SERPINB7: variants seen among roughly 807,000 people sequenced by gnomAD.
SERPINB7 encodes the protein serpin B7.
In SERPINB7, 31 loss-of-function variants were observed where a neutral mutation model predicts 37.4. The observed-to-expected ratio is 0.83, with a 90% CI of 0.62 to 1.12. The LOEUF is 1.12. Ranked by LOEUF, SERPINB7 falls within the 50% of genes most tolerant of loss-of-function variation. SERPINB7 has a pLI of 0.00. For missense variants in SERPINB7, 521 were observed against 455.3 expected (o/e 1.14, Z -1.31); for synonymous variants, 163 against 166.1 (o/e 0.98, Z 0.14).
At position 63,791,755 on chromosome 18, in the gene SERPINB7, C is replaced by T. The variant is rs146987947; in HGVS notation, c.169-638C>T. ...CCTCCCGAGTAGCTGGGACTATAGG[C>T]GCCCACCACCACAACCAGCTAATTT... On this transcript the variant is annotated intron_variant, in intron 2 of 7. Transcript: ENST00000398019. Among the ~76,000 whole-genome samples the T allele has an allele frequency of 6.1e-3, 920 of 151,178 alleles. 11 individuals carry two copies. Among genetic ancestry groups the T allele is most frequent in the African/African-American group, 0.022 (893 of 41,194 alleles).
upstream of SERPINB7, among the ~76,000 whole-genome samples, chr18:63,771,505 C>T (rs115757896): frequency 0.011 from 1,693 of 152,058 alleles, 30 homozygotes; most frequent in African/African-American, 0.036. Flanking sequence ...TTCCCATTAG[C>T]TTATACTTAT....
chr18:63,794,372 G>A (rs964685462), intron 4 of SERPINB7, among the ~76,000 whole-genome samples: 4 of 151,796 alleles, frequency 2.6e-5, no homozygotes, highest in Non-Finnish European at 5.9e-5. Context: ...TCTCTTGCAT[G>A]TTTCAACCTT....
intron 1 of SERPINB7, among the ~76,000 whole-genome samples, chr18:63,776,585 T>C (rs1391137029): frequency 2.0e-5 from 3 of 150,556 alleles, no homozygotes; most frequent in Non-Finnish European, 4.4e-5. Context: ...TGCCTTAAGA[T>C]AGTGCGAATT....
intron 1 of SERPINB7, among the ~76,000 whole-genome samples, chr18:63,753,513 T>C (rs746999811): frequency 2.7e-4 from 41 of 152,232 alleles, no homozygotes; most frequent in Admixed American, 5.2e-4. Context: ...CTACTACCTG[T>C]GTCTGGGCTT....
chr18:63,761,226 G>A (rs2049152132), intron 1 of SERPINB7, among the ~76,000 whole-genome samples: 1 of 152,200 alleles, frequency 6.6e-6, no homozygotes, highest in Non-Finnish European at 1.5e-5. Context: ...TTATTTTGGA[G>A]CTTTAAAATT....
At chr18:63,759,720 G>A (rs1194607220) in intron 1 of SERPINB7, among the ~76,000 whole-genome samples, 1 of 152,114 alleles carries the variant, frequency 6.6e-6, no homozygotes, top group Non-Finnish European at 1.5e-5. Flanking sequence ...GAATCAAGGT[G>A]GTTGGTCTTT....
intron 1 of SERPINB7, among the ~76,000 whole-genome samples, chr18:63,767,964 T>C (rs1466243974): frequency 6.6e-6 from 1 of 152,076 alleles, no homozygotes; most frequent in Non-Finnish European, 1.5e-5. Flanking sequence ...AAGTTATTCC[T>C]AGTGTTTTTA....
In SERPINB7 at chr18:63,760,791, C is replaced by A. The variant is rs146371623; in HGVS notation, c.-19+7671C>A. Among the ~76,000 whole-genome samples the A allele has an allele frequency of 3.9e-3, 593 of 152,326 alleles. 2 individuals carry two copies. The highest frequency in any genetic ancestry group is 7.1e-3 in the Non-Finnish European group (485 of 68,030). ...CAGCTTCCATGTGGTGTTGAGCCTG[C>A]AGGTTCACAGAAGTCAAGAATTGAG... On this transcript the variant is annotated intron_variant, in intron 1 of 7. Transcript: ENST00000336429.
At chr18:63,779,651 G>A (rs974828884) in intron 1 of SERPINB7, among the ~76,000 whole-genome samples, 4 of 151,064 alleles carry the variant, frequency 2.6e-5, no homozygotes, top group African/African-American at 4.9e-5. Flanking sequence ...TTTCTAGTAT[G>A]GTTTCTCTGC....
At chr18:63,799,891 G>A (rs146435854) in intron 6 of SERPINB7, among the ~76,000 whole-genome samples, 3,120 of 152,222 alleles carry the variant, frequency 0.02, 42 homozygotes, top group Non-Finnish European at 0.033. Context: ...TTTGCAGATC[G>A]TAATATTACT....
At chr18:63,785,472 C>A (rs1334553820) in intron 2 of SERPINB7, among the ~76,000 whole-genome samples, 1 of 152,130 alleles carries the variant, frequency 6.6e-6, no homozygotes, top group Non-Finnish European at 1.5e-5. Flanking sequence ...ACGTTCTGGG[C>A]TTGTCTTGAG....
upstream of SERPINB7, among the ~76,000 whole-genome samples, chr18:63,772,961 T>C (rs1021058059): frequency 1.3e-5 from 2 of 152,114 alleles, no homozygotes; most frequent in Non-Finnish European, 2.9e-5. Flanking sequence ...GCTGCGATTA[T>C]TCATGTCAAA....
In SERPINB7 at chr18:63,782,490, GCC is replaced by G; in HGVS notation, c.120_121del (p.Leu41GlyfsTer8). On this transcript the variant is annotated frameshift_variant, in exon 2 of 8. Coordinates refer to ENST00000398019, the MANE Select transcript of SERPINB7 (RefSeq NM_003784.4). LOFTEE classifies it high-confidence loss of function. ...CTCTCTGAGCCTCTTCGCTGCCCTG[GCC>G]CTGGTCCGCTTGGGCGCTCAAGATG... ...FSSLSLFAAL[A>X]LVRLGAQDDS... The G allele has an allele frequency of 1.9e-6, 3 of 1,614,024 alleles. No individual in the cohort carries two copies. Among genetic ancestry groups the G allele is most frequent in the Non-Finnish European group, 2.5e-6 (3 of 1,179,930 alleles).
chr18:63,771,731 T>G (rs2144595328), upstream of SERPINB7, among the ~76,000 whole-genome samples: 1 of 152,228 alleles, frequency 6.6e-6, no homozygotes. Context: ...TATGGGATTC[T>G]CTGTTTCTCA....
chr18:63,803,474 T>C (rs2049571441), intron 7 of SERPINB7, among the ~76,000 whole-genome samples: 1 of 152,230 alleles, frequency 6.6e-6, no homozygotes, highest in South Asian at 2.1e-4. Context: ...ATGAAAAATC[T>C]TCTTATTCTA....
At chr18:63,762,157 G>C (rs1215984503) in intron 1 of SERPINB7, among the ~76,000 whole-genome samples, 2 of 152,154 alleles carry the variant, frequency 1.3e-5, no homozygotes, top group African/African-American at 4.8e-5. Flanking sequence ...CAGTAACCCT[G>C]CAATGTGGTG....
In SERPINB7 at chr18:63,792,421, A is replaced by G. The variant is rs773322695; in HGVS notation, c.197A>G (p.Tyr66Cys). 3 of 1,604,250 alleles carry G rather than the reference A, an allele frequency of 1.9e-6. No individual in the cohort carries two copies. The highest frequency in any genetic ancestry group is 2.6e-6 in the Non-Finnish European group (3 of 1,171,106). The change falls in exon 3 of 8, where the codon TAT becomes TGT. Residue 66 changes from tyrosine to cysteine, a missense_variant. Tyr to Cys is a radical substitution (Grantham distance 194). Transcript: ENST00000398019. ...KLLHVNTASG[Y>C]GNSSNSQSGL... Reference sequence around the variant, plus strand: ...CTTCATGTTAACACTGCCTCAGGATATGGAAACTCTTCTAATAGTCAGGTA... The same window carrying G: ...CTTCATGTTAACACTGCCTCAGGATGTGGAAACTCTTCTAATAGTCAGGTA...
intron 7 of SERPINB7, among the ~76,000 whole-genome samples, chr18:63,802,095 G>A (rs1297165576): frequency 6.6e-6 from 1 of 152,180 alleles, no homozygotes; most frequent in Admixed American, 6.5e-5. Context: ...TTGGAGGTTA[G>A]CAGCAAGATC....
intron 5 of SERPINB7, among the ~76,000 whole-genome samples, chr18:63,796,805 A>G (rs188983816): frequency 8.4e-4 from 128 of 152,304 alleles, no homozygotes; most frequent in Non-Finnish European, 1.5e-3. Context: ...ATAACATTTC[A>G]TTTAATAATC....
Sources: allele counts gnomAD v4.1 joint callset (sites outside exome capture counted in the v4.1 genomes callset), GRCh38; gene constraint gnomAD v4.1.1; transcripts MANE v1.5; gene names NCBI Gene and HGNC (gene_info 2026-07-23, HGNC 2026-07-21).